The following MYO5B variants were observed in gnomAD, a reference collection of about 807,000 sequenced individuals.
MYO5B encodes unconventional myosin-Vb.
In MYO5B, 143 loss-of-function variants were observed where a neutral mutation model predicts 229.3. That is an observed-to-expected ratio of 0.62 (90% confidence interval 0.54 to 0.72). MYO5B has a LOEUF of 0.72. MYO5B is among the 30% of genes least tolerant of loss of function. The pLI, the probability that MYO5B is intolerant of heterozygous loss-of-function variation, is 0.00. For synonymous variants in MYO5B, 918 were observed against 885.2 expected (o/e 1.04, Z -0.66); for missense variants, 2,321 against 2,331.0 (o/e 1.00, Z 0.09).
At chr18:49,992,581 T>A in intron 5 of MYO5B, 150 bp from the exon 6 acceptor site, 2 of 1,192,884 alleles carry the variant, frequency 1.7e-6, no homozygotes, top group Admixed American at 2.1e-5. Flanking sequence ...AGCTAAAGAA[T>A]AAAACAAAAA....
At chr18:50,092,792 T>C (rs1369032552) in intron 1 of MYO5B, among the ~76,000 whole-genome samples, 1 of 152,158 alleles carries the variant, frequency 6.6e-6, no homozygotes, top group Non-Finnish European at 1.5e-5. Flanking sequence ...ATTAAGTAGA[T>C]ACTCTAATAT....
intron 33 of MYO5B, among the ~76,000 whole-genome samples, chr18:49,843,766 C>T (rs1409261263): frequency 6.6e-6 from 1 of 152,192 alleles, no homozygotes; most frequent in African/African-American, 2.4e-5. Flanking sequence ...GAGGACAGGG[C>T]CTAGCTCCCA....
intron 29 of MYO5B, 70 bp from the exon 30 acceptor site, chr18:49,856,960 G>T: frequency 3.8e-6 from 5 of 1,321,810 alleles, no homozygotes; most frequent in Non-Finnish European, 5.5e-6. Context: ...GGGAGTCCTG[G>T]AAAGTGAGGA....
At chr18:50,041,328 T>C (rs1403239005) in intron 2 of MYO5B, among the ~76,000 whole-genome samples, 1 of 152,170 alleles carries the variant, frequency 6.6e-6, no homozygotes, top group Non-Finnish European at 1.5e-5. Context: ...ACAGACTCAA[T>C]TTACTGGGGT....
intron 1 of MYO5B, among the ~76,000 whole-genome samples, chr18:50,130,982 C>T (rs2032245751): frequency 6.6e-6 from 1 of 152,170 alleles, no homozygotes; most frequent in Non-Finnish European, 1.5e-5. Flanking sequence ...ACCTCTAGCC[C>T]CATGCCTATC....
chr18:49,857,516 A>G (rs1406859515), intron 29 of MYO5B, among the ~76,000 whole-genome samples: 1 of 152,172 alleles, frequency 6.6e-6, no homozygotes, highest in Non-Finnish European at 1.5e-5. Flanking sequence ...GCACAAAAAT[A>G]TTAACTAATC....
intron 1 of MYO5B, among the ~76,000 whole-genome samples, chr18:50,111,104 C>T (rs1178176287): frequency 6.6e-6 from 1 of 151,746 alleles, no homozygotes; most frequent in African/African-American, 2.4e-5. Flanking sequence ...GGCAAATAGG[C>T]AAAAAAAGAA....
intron 4 of MYO5B, among the ~76,000 whole-genome samples, chr18:50,009,100 G>A (rs1461473429): frequency 2.6e-5 from 4 of 152,180 alleles, no homozygotes; most frequent in Non-Finnish European, 5.9e-5. Flanking sequence ...TATATGTGCC[G>A]AGCGCAGTGG....
At chr18:49,969,439 A>G (rs540656299) in intron 10 of MYO5B, among the ~76,000 whole-genome samples, 2 of 152,386 alleles carry the variant, frequency 1.3e-5, no homozygotes, top group South Asian at 2.1e-4. Context: ...AAATATTTGC[A>G]AATCATATTT....
intron 39 of MYO5B, among the ~76,000 whole-genome samples, chr18:49,830,125 T>A (rs1598815378): frequency 7.0e-6 from 1 of 143,540 alleles, no homozygotes; most frequent in Non-Finnish European, 1.5e-5. Flanking sequence ...ATATCTTACA[T>A]GTAGAAAAAC....
Position 50,064,674 on chromosome 18 carries a change from T to C in MYO5B, c.28-9296A>G, listed in dbSNP as rs77346305. On this transcript the variant is annotated intron_variant, in intron 1 of 39. Coordinates refer to ENST00000285039, the MANE Select transcript of MYO5B (RefSeq NM_001080467.3). ...TCCAGTGGATTTACATTCTCATCTC[T>C]ATAAAAGACCAGTATATTGCTTTCC... 9.8e-3 allele frequency among the ~76,000 whole-genome samples: 1,488 copies of C among 152,348 alleles called. 29 individuals carry two copies. The highest frequency in any genetic ancestry group is 0.034 in the African/African-American group (1,406 of 41,570).
At chr18:50,175,171 G>A (rs2032977690) in intron 1 of MYO5B, among the ~76,000 whole-genome samples, 1 of 152,200 alleles carries the variant, frequency 6.6e-6, no homozygotes, top group Non-Finnish European at 1.5e-5. Context: ...TTCTGGGCAA[G>A]GGGATTCATG....
At chr18:49,863,180 C>G (rs146541714) in intron 29 of MYO5B, 47 bp downstream of exon 29, 1 of 1,451,522 alleles carries the variant, frequency 6.9e-7, no homozygotes, top group Non-Finnish European at 9.7e-7. Flanking sequence ...TTGGGCAGGG[C>G]CCTTCTCCGC....
In MYO5B at chr18:49,847,155, G is replaced by C; in HGVS notation, c.4450C>G (p.Leu1484Val). The change falls in exon 33 of 40, where the codon CTG becomes GTG. Residue 1484 changes from leucine (L) to valine (V), a missense_variant. Transcript: ENST00000285039. ...CACAGAGGGTCCTTACCTGTCACCA[G>C]GTTCCGGATGAGGAGGGCCTCGTCC... The part of the protein sequence containing the change: ...KEDEALLIRN[L>V]VTDLKPQMLS... The C allele has an allele frequency of 6.2e-7, 1 of 1,614,178 alleles. No individual in the cohort carries two copies. The highest frequency in any genetic ancestry group is 8.5e-7 in the Non-Finnish European group (1 of 1,180,032).
At chr18:49,847,111 G>C in intron 33 of MYO5B, 35 bp downstream of exon 33, 2 of 1,613,344 alleles carry the variant, frequency 1.2e-6, no homozygotes, top group Non-Finnish European at 1.7e-6. Context: ...CTGAAGGAGG[G>C]GCAGGCAGCA....
chr18:50,160,913 C>G (rs1201361116), intron 1 of MYO5B, among the ~76,000 whole-genome samples: 1 of 152,158 alleles, frequency 6.6e-6, no homozygotes, highest in East Asian at 1.9e-4. Flanking sequence ...TGAGCTCATT[C>G]TCTCCTCAGA....
Position 49,962,925 on chromosome 18 carries a change from C to T in MYO5B, c.1404+24G>A, listed in dbSNP as rs766741162. The T allele has an allele frequency of 3.7e-6, 6 of 1,601,276 alleles. No homozygotes were observed. In the South Asian group the frequency reaches 6.6e-5, roughly 18 times the overall value. On this transcript the variant is annotated intron_variant, in intron 11 of 39. Transcript: ENST00000285039. The stretch of plus-strand genomic sequence containing the variant: ...GAGGAGTCCCCCCAATCCTGGTACC[C>T]CCAGGTCTAGAAACCAAGCCTACCG...
chr18:49,962,860 C>A, intron 11 of MYO5B, 89 bp downstream of exon 11: 3 of 1,142,102 alleles, frequency 2.6e-6, no homozygotes, highest in Non-Finnish European at 4.0e-6. Context: ...CAGGGCCCAC[C>A]CACCTCAGAG....
chr18:50,069,885 C>A (rs1460827076), intron 1 of MYO5B, among the ~76,000 whole-genome samples: 2 of 152,120 alleles, frequency 1.3e-5, no homozygotes. Flanking sequence ...GTTTGTTCAT[C>A]CCTATTTATT....
Sources: allele counts gnomAD v4.1 joint callset (sites outside exome capture counted in the v4.1 genomes callset), GRCh38; gene constraint gnomAD v4.1.1; transcripts MANE v1.5; gene names NCBI Gene and HGNC (gene_info 2026-07-23, HGNC 2026-07-21).